CTNNA3: variants seen among roughly 807,000 people sequenced by gnomAD.
CTNNA3 encodes catenin alpha-3.
In CTNNA3, 76 loss-of-function variants were observed where a neutral mutation model predicts 95.7. That is an observed-to-expected ratio of 0.79 (90% CI 0.66 to 0.96). CTNNA3 has a LOEUF of 0.96. CTNNA3 is among the 40% of genes least tolerant of loss of function. The probability of loss-of-function intolerance (pLI) is 0.00; values close to 1 mark genes in which losing one functional copy is unlikely to be tolerated. For missense variants in CTNNA3, 1,191 were observed against 1,089.8 expected (o/e 1.09, Z -1.31); for synonymous variants, 431 against 374.4 (o/e 1.15, Z -1.74).
At chr10:67,382,473 T>C (rs1843983880) in intron 5 of CTNNA3, among the ~76,000 whole-genome samples, 1 of 152,214 alleles carries the variant, frequency 6.6e-6, no homozygotes. Flanking sequence ...GTTCATGTGA[T>C]AGAAATTATA....
intron 11 of CTNNA3, among the ~76,000 whole-genome samples, chr10:66,425,565 A>C (rs2093232302): frequency 6.6e-6 from 1 of 152,030 alleles, no homozygotes; most frequent in South Asian, 2.1e-4. Flanking sequence ...TAGCATATTT[A>C]AAGTACTAAT....
chr10:66,150,348 G>T (rs1438862540), intron 13 of CTNNA3, among the ~76,000 whole-genome samples: 1 of 152,158 alleles, frequency 6.6e-6, no homozygotes, highest in Admixed American at 6.6e-5. Context: ...ATGTGGAACT[G>T]TAAGTCCCTT....
At chr10:67,237,142 A>ATATATATGTATATATATG (rs1865516981) in intron 5 of CTNNA3, among the ~76,000 whole-genome samples, 1 of 66,170 alleles carries the variant, frequency 1.5e-5, no homozygotes, top group African/African-American at 1.0e-4. Flanking sequence ...ATATATATAT[A>ATATATATGTATATATATG]TATATATATA....
Position 66,898,585 on chromosome 10 carries a change from AT to A in CTNNA3, c.1048-123062del, listed in dbSNP as rs1845596814. On this transcript the variant is annotated intron_variant, in intron 7 of 17. Transcript: ENST00000433211. ...TAACATGAGTGCCAAAAAATACACA[AT>A]GAGGAAAGATAGCATCTTCAACAAA... is the stretch of plus-strand genomic sequence containing the variant. Among the ~76,000 whole-genome samples, 2 of 152,190 alleles carry A rather than the reference AT, an allele frequency of 1.3e-5. 1 individual carries two copies. The highest frequency in any genetic ancestry group is 4.1e-4 in the South Asian group (2 of 4,834).
At position 66,144,244 on chromosome 10, in the gene CTNNA3, A is replaced by T. The variant is rs114419620; in HGVS notation, c.1885-40995T>A. Among the ~76,000 whole-genome samples the T allele has an allele frequency of 9.9e-3, 1,513 of 152,304 alleles. 34 individuals are homozygous for T. The highest frequency in any genetic ancestry group is 0.035 in the African/African-American group (1,436 of 41,556). On this transcript the variant is annotated intron_variant, in intron 13 of 17. Coordinates refer to ENST00000433211, the MANE Select transcript of CTNNA3 (RefSeq NM_013266.4). ...GCATTTTTTCTTAAATTGAAATCAG[A>T]TTACACAAATACTTATGTTTTGTTT...
chr10:66,730,136 A>T (rs911047749), intron 9 of CTNNA3, among the ~76,000 whole-genome samples: 1 of 152,020 alleles, frequency 6.6e-6, no homozygotes, highest in Non-Finnish European at 1.5e-5. Flanking sequence ...TTCTATTATA[A>T]AGATACATGT....
chr10:66,490,899 G>C (rs553098741), intron 11 of CTNNA3, among the ~76,000 whole-genome samples: 1 of 152,286 alleles, frequency 6.6e-6, no homozygotes, highest in South Asian at 2.1e-4. Context: ...ATATGATGTA[G>C]TGAGAAATAA....
At chr10:67,463,960 T>A (rs1349240014) in intron 5 of CTNNA3, among the ~76,000 whole-genome samples, 2 of 152,186 alleles carry the variant, frequency 1.3e-5, no homozygotes, top group African/African-American at 2.4e-5. Context: ...CCCCTTCTCA[T>A]GATCCTCAAT....
chr10:66,331,342 GTTTTTTTTT>G (rs60709020), intron 12 of CTNNA3, among the ~76,000 whole-genome samples: 1,272 of 80,332 alleles, frequency 0.016, 62 homozygotes, highest in Admixed American at 0.026. Flanking sequence ...CCCATTGTTT[GTTTTTTTTT>G]TTTTTTTTTT....
chr10:66,258,522 C>T (rs1313431791), intron 13 of CTNNA3, among the ~76,000 whole-genome samples: 2 of 152,156 alleles, frequency 1.3e-5, no homozygotes, highest in Admixed American at 6.5e-5. Flanking sequence ...GTGAAGCATG[C>T]TCTAAACACT....
intron 7 of CTNNA3, among the ~76,000 whole-genome samples, chr10:67,128,870 G>A (rs1214749594): frequency 6.6e-6 from 1 of 151,700 alleles, no homozygotes; most frequent in African/African-American, 2.4e-5. Context: ...ATTTAATGGT[G>A]GAATAACTAC....
At chr10:67,049,324 A>G (rs1473613839) in intron 7 of CTNNA3, among the ~76,000 whole-genome samples, 4 of 152,250 alleles carry the variant, frequency 2.6e-5, no homozygotes, top group Middle Eastern at 6.8e-3. Context: ...ACAGAACCCC[A>G]ATGTCAGGGA....
rs1246741814 is a variant in CTNNA3, at chr10:67,491,636, G to T, written c.579+30206C>A. ...ATACTCTGATATGGCTGAAAACAAA[G>T]CTCTGGGAAAATAAAGGGTCACAGT... is the stretch of plus-strand genomic sequence containing the variant. On this transcript the variant is annotated intron_variant, in intron 5 of 17. Coordinates refer to ENST00000433211, the MANE Select transcript of CTNNA3 (RefSeq NM_013266.4). 2.0e-5 allele frequency among the ~76,000 whole-genome samples: 3 copies of T among 152,148 alleles called. No homozygotes were observed. In the East Asian group the frequency reaches 5.8e-4, roughly 29 times the overall value.
chr10:66,914,231 C>T (rs761475430), intron 7 of CTNNA3, among the ~76,000 whole-genome samples: 2 of 149,700 alleles, frequency 1.3e-5, no homozygotes, highest in Non-Finnish European at 3.0e-5. Context: ...CCCAGGTTGA[C>T]GCCATTCTCC....
intron 12 of CTNNA3, among the ~76,000 whole-genome samples, chr10:66,281,201 CTA>C (rs2091485444): frequency 6.6e-6 from 1 of 151,792 alleles, no homozygotes; most frequent in African/African-American, 2.4e-5. Flanking sequence ...CATATGAAAA[CTA>C]TCTTTAAAAT....
intron 15 of CTNNA3, among the ~76,000 whole-genome samples, chr10:66,061,782 C>T (rs574527228): frequency 5.9e-5 from 9 of 152,178 alleles, no homozygotes; most frequent in East Asian, 1.9e-4. Flanking sequence ...CATTCAAAAT[C>T]GAATACAAAT....
At chr10:66,234,182 A>G (rs960317305) in intron 13 of CTNNA3, among the ~76,000 whole-genome samples, 1 of 152,090 alleles carries the variant, frequency 6.6e-6, no homozygotes, top group African/African-American at 2.4e-5. Flanking sequence ...GGGTGTTTTC[A>G]CTTTATATAA....
At chr10:66,605,653 T>A (rs1177092623) in intron 10 of CTNNA3, among the ~76,000 whole-genome samples, 1 of 152,104 alleles carries the variant, frequency 6.6e-6, no homozygotes, top group East Asian at 1.9e-4. Flanking sequence ...GGGCCAATAT[T>A]CGACATTCTT....
intron 17 of CTNNA3, among the ~76,000 whole-genome samples, chr10:65,924,134 A>G (rs1564518210): frequency 6.6e-6 from 1 of 152,114 alleles, no homozygotes; most frequent in East Asian, 1.9e-4. Flanking sequence ...TGAAGAACCA[A>G]TTTTCCAAAA....
Sources: gnomAD v4.1 joint callset for allele counts (sites outside exome capture counted in the v4.1 genomes callset) on GRCh38, gnomAD v4.1.1 for gene constraint, MANE v1.5 for transcripts, NCBI Gene and HGNC (gene_info 2026-07-23, HGNC 2026-07-21) for gene names.